The following DEFB134 variants were observed in gnomAD, a reference collection of about 807,000 sequenced individuals.
DEFB134 encodes beta-defensin 134.
DEFB134 carries 7 observed loss-of-function variants against 7.4 expected under a neutral mutation model. The ratio of observed to expected loss-of-function variants is 0.95; its 90% CI spans 0.54 to 1.79. The LOEUF is 1.79. Among genes scored for constraint, DEFB134 ranks in the 40% most tolerant of loss-of-function variants. The pLI, the probability that DEFB134 is intolerant of heterozygous loss-of-function variation, is 0.00. For synonymous variants in DEFB134, 33 were observed against 25.0 expected (o/e 1.32, Z -0.96); for missense variants, 105 against 74.8 (o/e 1.40, Z -1.49).
upstream of DEFB134, chr8:11,999,456 A>C (rs1294218268): frequency 6.5e-6 from 1 of 154,258 alleles, no homozygotes; most frequent in Non-Finnish European, 1.5e-5. Flanking sequence ...AGAGGCTTTA[A>C]CCCAAGCAAA....
chr8:11,995,170 G>A (rs1585092036), intron 1 of DEFB134, among the ~76,000 whole-genome samples: 1 of 152,204 alleles, frequency 6.6e-6, no homozygotes, highest in African/African-American at 2.4e-5. Context: ...AACTTTCAAT[G>A]GAAATGACAA....
chr8:11,995,634 G>A (rs939702258), intron 1 of DEFB134, among the ~76,000 whole-genome samples: 1 of 152,154 alleles, frequency 6.6e-6, no homozygotes, highest in Non-Finnish European at 1.5e-5. Context: ...GTTTCCTCAT[G>A]TAACTAATGG....
chr8:11,996,847 A>C (rs1800137729), upstream of DEFB134, among the ~76,000 whole-genome samples: 1 of 152,238 alleles, frequency 6.6e-6, no homozygotes, highest in South Asian at 2.1e-4. Flanking sequence ...AGTATTTTTA[A>C]GTGTTGCACA....
intron 1 of DEFB134, among the ~76,000 whole-genome samples, chr8:11,995,650 C>G (rs74686395): frequency 3.3e-5 from 5 of 152,236 alleles, no homozygotes; most frequent in African/African-American, 1.2e-4. Flanking sequence ...AATGGATTCA[C>G]AAATAGTAAA....
chr8:11,996,045 C>T, intron 1 of DEFB134, 149 bp downstream of exon 2: 1 of 891,272 alleles, frequency 1.1e-6, no homozygotes, highest in Non-Finnish European at 1.7e-6. Flanking sequence ...CAGATTCAAG[C>T]CCAGGTCTTG....
chr8:11,996,363 A>G (rs1301290592), upstream of DEFB134: 2 of 1,204,316 alleles, frequency 1.7e-6, no homozygotes, highest in South Asian at 1.3e-5. Flanking sequence ...GGGCTGGGGT[A>G]TGCCTCGCTT....
chr8:11,993,835 A>T (rs1800042474), exon 2 of DEFB134: 2 of 1,099,690 alleles, frequency 1.8e-6, no homozygotes, highest in Non-Finnish European at 2.5e-6. Flanking sequence ...TTAAGACCAC[A>T]AGAGTCTGCT....
At chr8:11,993,332 G>C (rs757183611) in exon 2 of DEFB134, 1 of 152,194 alleles carries the variant, frequency 6.6e-6, no homozygotes, top group Non-Finnish European at 1.5e-5. Flanking sequence ...ACCACAGGAC[G>C]GCAGTCTTAT....
At chr8:12,000,479 G>A (rs746743558), upstream of DEFB134, among the ~76,000 whole-genome samples, 29 of 152,158 alleles carry the variant, frequency 1.9e-4, no homozygotes, top group Non-Finnish European at 3.8e-4. Context: ...ATGGGGCTAT[G>A]TTCCAAGACC....
upstream of DEFB134, among the ~76,000 whole-genome samples, chr8:12,000,151 G>C (rs562211955): frequency 7.2e-5 from 11 of 152,338 alleles, no homozygotes; most frequent in South Asian, 2.3e-3. Flanking sequence ...GCCAACAGTG[G>C]GAGATGCAGA....
upstream of DEFB134, among the ~76,000 whole-genome samples, chr8:11,998,164 C>T (rs867881093): frequency 6.6e-6 from 1 of 152,008 alleles, no homozygotes; most frequent in African/African-American, 2.4e-5. Context: ...TTCTTTGAAA[C>T]TGGGCCAGGT....
intron 1 of DEFB134, among the ~76,000 whole-genome samples, chr8:11,994,767 C>T (rs557804561): frequency 4.9e-4 from 75 of 152,232 alleles, no homozygotes; most frequent in Non-Finnish European, 9.9e-4. Flanking sequence ...TCCTGTGAAT[C>T]AAGGACTGTT....
chr8:11,996,233 C>CA lies in DEFB134; in HGVS notation c.18dup (p.Val7CysfsTer28). The CA allele has an allele frequency of 6.2e-7, 1 of 1,613,690 alleles. No homozygotes were observed. Among genetic ancestry groups the CA allele is most frequent in the Non-Finnish European group, 8.5e-7 (1 of 1,179,696 alleles). ...TCCCAAAGGAAAAGAAAGACAAACACAACAAGGAGAGGCTTCATGGCTGGG... is the reference window on the plus strand; with the variant it reads ...TCCCAAAGGAAAAGAAAGACAAACACAAACAAGGAGAGGCTTCATGGCTGGG... On this transcript the variant is annotated frameshift_variant, in exon 1 of 2. Coordinates refer to ENST00000526438, the Ensembl canonical transcript of DEFB134. LOFTEE classifies it high-confidence loss of function.
upstream of DEFB134, among the ~76,000 whole-genome samples, chr8:11,998,195 C>T (rs186001375): frequency 5.0e-3 from 755 of 152,008 alleles, 7 homozygotes; most frequent in South Asian, 0.025. Context: ...ACACCTGTAA[C>T]GCTAGCACTT....
At chr8:11,999,226 G>GTA, upstream of DEFB134, 1 of 204,970 alleles carries the variant, frequency 4.9e-6, no homozygotes, top group Non-Finnish European at 1.1e-5. Flanking sequence ...TGAAAAGCAG[G>GTA]TATGGGAGTA....
exon 2 of DEFB134, chr8:11,993,433 C>T (rs1181858339): frequency 6.6e-6 from 1 of 152,294 alleles, no homozygotes; most frequent in African/African-American, 2.4e-5. Flanking sequence ...TTGTTCCAGC[C>T]CATCACAAGA....
chr8:11,994,298 T>A (rs1563113511), intron 1 of DEFB134, among the ~76,000 whole-genome samples, 176 bp from the exon 3 acceptor site: 1 of 152,168 alleles, frequency 6.6e-6, no homozygotes. Context: ...CCAAAATTCA[T>A]ATGCTGAAAC....
chr8:11,998,424 C>T (rs1800181599), upstream of DEFB134, among the ~76,000 whole-genome samples: 1 of 150,390 alleles, frequency 6.6e-6, no homozygotes, highest in African/African-American at 2.5e-5. Context: ...CCACCCAAGC[C>T]TGGGTGATAG....
intron 1 of DEFB134, among the ~76,000 whole-genome samples, chr8:11,995,541 C>T (rs576446549): frequency 6.6e-6 from 1 of 152,266 alleles, no homozygotes; most frequent in East Asian, 1.9e-4. Context: ...GTCATGTCTC[C>T]CTGGCTGCTA....
Sources: gnomAD v4.1 joint callset for allele counts (sites outside exome capture counted in the v4.1 genomes callset) on GRCh38, gnomAD v4.1.1 for gene constraint, MANE v1.5 for transcripts, NCBI Gene and HGNC (gene_info 2026-07-23, HGNC 2026-07-21) for gene names.